The following MIA2 variants were observed in gnomAD, a reference collection of about 807,000 sequenced individuals.
MIA2 encodes melanoma inhibitory activity protein 2.
A neutral mutation model predicts 167.8 loss-of-function variants in MIA2; 127 were observed. That is an observed-to-expected ratio of 0.76 (90% CI 0.66 to 0.88). The LOEUF (loss-of-function observed/expected upper bound fraction) is 0.88. Among genes scored for constraint, MIA2 ranks in the 40% least tolerant of loss-of-function variants. The probability of loss-of-function intolerance (pLI) is 0.00; values close to 1 mark genes in which losing one functional copy is unlikely to be tolerated. For missense variants in MIA2, 1,690 were observed against 1,624.7 expected (o/e 1.04, Z -0.69); for synonymous variants, 552 against 541.9 (o/e 1.02, Z -0.26).
At chr14:39,358,490 A>C (rs1242238223) in intron 23 of MIA2, among the ~76,000 whole-genome samples, 1 of 152,020 alleles carries the variant, frequency 6.6e-6, no homozygotes, top group Admixed American at 6.6e-5. Flanking sequence ...CTTCTTTGCC[A>C]TGGGTTCGAA....
intron 18 of MIA2, among the ~76,000 whole-genome samples, chr14:39,311,579 G>A (rs992909521): frequency 1.4e-5 from 2 of 142,676 alleles, no homozygotes; most frequent in African/African-American, 2.6e-5. Context: ...CCGGGTTCAC[G>A]CCATTCTCCT....
rs918253220 is a variant in MIA2, at chr14:39,234,160, C to T, written c.46C>T (p.Leu16=). Residue 16 remains leucine, a synonymous_variant, in exon 1 of 29, where the codon CTG becomes TTG. Transcript: ENST00000640607. ...VHRILLLAIS[L]TKCLESTKLL... ...CAGAATCCTTCTTCTGGCTATTTCTCTGACAAAGTGTCTGGAGAGTACAAA... is the reference window on the plus strand; with the variant it reads ...CAGAATCCTTCTTCTGGCTATTTCTTTGACAAAGTGTCTGGAGAGTACAAA... The T allele has an allele frequency of 3.0e-5, 49 of 1,609,960 alleles. No homozygotes were observed. The highest frequency in any genetic ancestry group is 3.8e-5 in the Non-Finnish European group (45 of 1,178,478).
rs1490541015 is a variant in MIA2, at chr14:39,304,388, C to T, written c.2878+7C>T. 2 of 1,420,072 alleles carry T rather than the reference C, an allele frequency of 1.4e-6. No individual in the cohort carries two copies. The highest frequency in any genetic ancestry group is 2.4e-5 in the East Asian group (1 of 41,578). The allele number at this position is 1,420,072 out of a possible 1,614,324, so 88.0% of individuals were successfully genotyped here. On this transcript the variant is annotated splice_region_variant and intron_variant, in intron 17 of 28. Transcript: ENST00000640607. The stretch of plus-strand genomic sequence containing the variant: ...ACAAAGGAAGAGCTTACAGGTAGGT[C>T]ATTGACATACATACTTTTAATGTTT...
At chr14:39,321,699 C>T (rs1272923110) in intron 24 of MIA2, among the ~76,000 whole-genome samples, 1 of 151,818 alleles carries the variant, frequency 6.6e-6, no homozygotes, top group African/African-American at 2.4e-5. Flanking sequence ...TGTAAGACTG[C>T]ATGAAATATA....
chr14:39,330,983 G>A (rs1261771395), intron 25 of MIA2, among the ~76,000 whole-genome samples: 6 of 152,058 alleles, frequency 3.9e-5, no homozygotes, highest in African/African-American at 1.5e-4. Context: ...GGTCCGCTTG[G>A]TCCAGAGCTG....
At chr14:39,313,273 T>C (rs1403513752) in intron 18 of MIA2, 67 bp from the exon 19 acceptor site, 1 of 789,626 alleles carries the variant, frequency 1.3e-6, no homozygotes, top group Non-Finnish European at 1.9e-6. Context: ...TTTTTCACAA[T>C]TAAAAATATA....
At chr14:39,286,037 C>A (rs1005296278) in intron 9 of MIA2, among the ~76,000 whole-genome samples, 1 of 152,266 alleles carries the variant, frequency 6.6e-6, no homozygotes, top group African/African-American at 2.4e-5. Context: ...ACTTCCCAGA[C>A]GGGGTGGCGG....
chr14:39,282,909 A>G (rs1047297381), intron 9 of MIA2, among the ~76,000 whole-genome samples: 9 of 152,138 alleles, frequency 5.9e-5, no homozygotes, highest in Non-Finnish European at 1.3e-4. Flanking sequence ...CCTCCTACCC[A>G]ACACTGCTAA....
intron 7 of MIA2, among the ~76,000 whole-genome samples, chr14:39,278,469 C>A (rs553880693): frequency 6.6e-6 from 1 of 152,188 alleles, no homozygotes; most frequent in Admixed American, 6.5e-5. Context: ...AAAGGTTTTC[C>A]CTTTTATCTC....
At chr14:39,318,926 G>A (rs932562789) in intron 22 of MIA2, among the ~76,000 whole-genome samples, 6 of 152,212 alleles carry the variant, frequency 3.9e-5, no homozygotes, top group Admixed American at 2.0e-4. Context: ...CAAAAATTTG[G>A]ATTCTGTGAT....
chr14:39,321,467 C>A (rs2066421342), intron 24 of MIA2, among the ~76,000 whole-genome samples: 1 of 151,890 alleles, frequency 6.6e-6, no homozygotes, highest in South Asian at 2.1e-4. Context: ...GCGCCCGCCA[C>A]CATGCCCGGC....
chr14:39,287,703 C>T (rs2060012055), intron 9 of MIA2, among the ~76,000 whole-genome samples: 1 of 152,064 alleles, frequency 6.6e-6, no homozygotes, highest in African/African-American at 2.4e-5. Context: ...GCTGGGACTA[C>T]AGTCATGCGC....
At chr14:39,360,164 T>C (rs1433564988) in intron 23 of MIA2, among the ~76,000 whole-genome samples, 1 of 152,116 alleles carries the variant, frequency 6.6e-6, no homozygotes, top group Non-Finnish European at 1.5e-5. Flanking sequence ...TATCTGGGCA[T>C]GGTGGCGTGT....
chr14:39,356,981 C>T (rs9796444), intron 23 of MIA2, among the ~76,000 whole-genome samples: 10,813 of 152,098 alleles, frequency 0.071, 480 homozygotes, highest in South Asian at 0.17. Flanking sequence ...ACTATGTGGT[C>T]GGTTTTGGAA....
At chr14:39,362,999 CTTT>C (rs2074723366) in intron 23 of MIA2, among the ~76,000 whole-genome samples, 1 of 151,934 alleles carries the variant, frequency 6.6e-6, no homozygotes, top group Non-Finnish European at 1.5e-5. Flanking sequence ...TCCAGAGTTC[CTTT>C]TTAATTTCCA....
At chr14:39,293,142 A>G in intron 10 of MIA2, 129 bp from the exon 11 acceptor site, 1 of 690,750 alleles carries the variant, frequency 1.4e-6, no homozygotes, top group Non-Finnish European at 2.4e-6. Context: ...TTATTTTGAT[A>G]TTATAAAAAT....
chr14:39,335,012 G>A (rs1329941569), intron 25 of MIA2, among the ~76,000 whole-genome samples: 2 of 152,158 alleles, frequency 1.3e-5, no homozygotes, highest in Non-Finnish European at 2.9e-5. Context: ...CACTTTGGGA[G>A]GATGAGGTAG....
chr14:39,301,122 A>G (rs1049131210), intron 14 of MIA2, among the ~76,000 whole-genome samples: 1 of 151,264 alleles, frequency 6.6e-6, no homozygotes, highest in Non-Finnish European at 1.5e-5. Context: ...GTGCAATGGC[A>G]CCATCTCGGC....
intron 25 of MIA2, among the ~76,000 whole-genome samples, chr14:39,327,452 A>G (rs2067810687): frequency 6.6e-6 from 1 of 152,106 alleles, no homozygotes; most frequent in Non-Finnish European, 1.5e-5. Flanking sequence ...CAGTTGTACC[A>G]TTCATCCTCT....
Sources: allele counts gnomAD v4.1 joint callset (sites outside exome capture counted in the v4.1 genomes callset), GRCh38; gene constraint gnomAD v4.1.1; transcripts MANE v1.5; gene names NCBI Gene and HGNC (gene_info 2026-07-23, HGNC 2026-07-21).